Variants in ZBBX observed in about 807,000 individuals in gnomAD.
ZBBX encodes zinc finger B-box domain-containing protein 1.
In ZBBX, 101 loss-of-function variants were observed where a neutral mutation model predicts 108.5. That is an observed-to-expected ratio of 0.93 (90% CI 0.79 to 1.10). The LOEUF (loss-of-function observed/expected upper bound fraction) is 1.10, where lower values mean the gene tolerates loss of function less well. Ranked by LOEUF, ZBBX falls within the 50% of genes least tolerant of loss-of-function variation. The pLI is 0.00. For missense variants in ZBBX, 1,009 were observed against 941.4 expected (o/e 1.07, Z -0.94); for synonymous variants, 356 against 323.4 (o/e 1.10, Z -1.08).
the ZBBX span, among the ~76,000 whole-genome samples, chr3:167,194,964 GC>G: frequency 2.6e-5 from 4 of 152,122 alleles, no homozygotes; most frequent in Non-Finnish European, 5.9e-5. Flanking sequence ...GAGTGCTCCT[GC>G]CTTCCTGAAA....
intron 17 of ZBBX, among the ~76,000 whole-genome samples, chr3:167,304,675 C>T (rs547411172): frequency 3.0e-4 from 46 of 152,118 alleles, no homozygotes; most frequent in South Asian, 1.7e-3. Context: ...TAAATGAAAG[C>T]CCAAGATATC....
the ZBBX span, among the ~76,000 whole-genome samples, chr3:167,191,896 CATATATAT>C: frequency 0.019 from 1,260 of 67,938 alleles, 62 homozygotes; most frequent in African/African-American, 0.072. Context: ...TTACAAAAAT[CATATATAT>C]ATATATATAT....
chr3:167,400,970 C>T (rs1221073853), intron 1 of ZBBX, among the ~76,000 whole-genome samples: 1 of 152,062 alleles, frequency 6.6e-6, no homozygotes, highest in Non-Finnish European at 1.5e-5. Context: ...TAAGCAGTTC[C>T]CAGCTTGACT....
At chr3:167,235,757 A>T (rs1720210102), downstream of ZBBX, among the ~76,000 whole-genome samples, 1 of 151,676 alleles carries the variant, frequency 6.6e-6, no homozygotes, top group Admixed American at 6.6e-5. Context: ...AGACATTTGC[A>T]TTAAAATAGG....
chr3:167,272,073 A>C (rs1448068784), intron 20 of ZBBX, among the ~76,000 whole-genome samples: 1 of 152,176 alleles, frequency 6.6e-6, no homozygotes, highest in Non-Finnish European at 1.5e-5. Flanking sequence ...GATGAATCAA[A>C]CTTTAAAAAA....
At chr3:167,268,538 C>T (rs1725970957) in intron 20 of ZBBX, among the ~76,000 whole-genome samples, 1 of 152,088 alleles carries the variant, frequency 6.6e-6, no homozygotes, top group South Asian at 2.1e-4. Context: ...AACCCACAAC[C>T]TCTCTAAAGC....
intron 17 of ZBBX, among the ~76,000 whole-genome samples, chr3:167,300,324 A>AC: frequency 1.3e-5 from 2 of 152,124 alleles, no homozygotes; most frequent in African/African-American, 4.8e-5. Context: ...CTATTTTATT[A>AC]CTGTCCAGGA....
At chr3:167,345,226 T>C (rs73169176) in intron 9 of ZBBX, among the ~76,000 whole-genome samples, 5,264 of 151,882 alleles carry the variant, frequency 0.035, 94 homozygotes, top group East Asian at 0.064. Context: ...GATACAGTGA[T>C]GAACAAGACA....
At chr3:167,180,133 G>A in the ZBBX span, among the ~76,000 whole-genome samples, 1 of 152,044 alleles carries the variant, frequency 6.6e-6, no homozygotes, top group Admixed American at 6.6e-5. Flanking sequence ...TGAATGCTGG[G>A]TTGAAAAAAA....
intron 1 of ZBBX, among the ~76,000 whole-genome samples, chr3:167,407,175 C>T (rs544986167): frequency 4.1e-4 from 63 of 152,272 alleles, no homozygotes; most frequent in African/African-American, 1.4e-3. Context: ...TAAATATGTG[C>T]TTATCACCCT....
At chr3:167,254,209 T>C (rs2108376539) in intron 20 of ZBBX, among the ~76,000 whole-genome samples, 1 of 152,298 alleles carries the variant, frequency 6.6e-6, no homozygotes, top group Non-Finnish European at 1.5e-5. Context: ...TTGTAAAGTG[T>C]TACAATGTTT....
chr3:167,280,281 CAAA>C (rs879821838), intron 20 of ZBBX, among the ~76,000 whole-genome samples: 1 of 130,466 alleles, frequency 7.7e-6, no homozygotes, highest in Non-Finnish European at 1.7e-5. Flanking sequence ...TTCTGCACAG[CAAA>C]AAAAAAAAAA....
upstream of ZBBX, among the ~76,000 whole-genome samples, chr3:167,381,635 A>G (rs1747730356): frequency 1.3e-5 from 2 of 152,116 alleles, no homozygotes; most frequent in East Asian, 1.9e-4. Flanking sequence ...ACTATTTCCC[A>G]TACAGGCGCG....
intron 20 of ZBBX, among the ~76,000 whole-genome samples, chr3:167,274,447 A>C (rs182282342): frequency 1.1e-3 from 173 of 152,330 alleles, no homozygotes; most frequent in Non-Finnish European, 9.7e-4. Context: ...ACCAAGTTGA[A>C]CAGCAAAGCC....
chr3:167,383,243 G>A (rs56803013), upstream of ZBBX, among the ~76,000 whole-genome samples: 4,574 of 152,070 alleles, frequency 0.03, 219 homozygotes, highest in African/African-American at 0.1. Context: ...GGCATTTCAA[G>A]GTAGCAAAAC....
At position 167,368,470 on chromosome 3, in the gene ZBBX, T is replaced by C; in HGVS notation, c.173A>G (p.Glu58Gly). ...EFRSTRNKEKEDRESSEYYWK... is the reference protein window; with the variant it reads ...EFRSTRNKEKGDRESSEYYWK... ...TAAGAGTTTCACTCACTCTCTATCT[T>C]CCTTTTCTTTGTTTCTTGTGGATCG... Residue 58 changes from glutamate (E) to glycine (G), a missense_variant, in exon 5 of 22, where the codon GAA becomes GGA. By Grantham distance (98) the Glu-to-Gly change is moderately conservative (BLOSUM62 -2). Coordinates refer to ENST00000675490, the MANE Select transcript of ZBBX (RefSeq NM_001199201.2). 3 of 1,610,176 alleles carry C rather than the reference T, an allele frequency of 1.9e-6. No homozygotes were observed. The highest frequency in any genetic ancestry group is 1.3e-5 in the African/African-American group (1 of 74,924).
chr3:167,365,954 A>G lies in ZBBX; in HGVS notation c.205T>C (p.Ser69Pro), dbSNP rs1340322336. The stretch of plus-strand genomic sequence containing the variant: ...TTGACCAATTTGCCCACTTTTCCAG[A>G]TTTCCAGTAATACTCGCTTGACCTT... The part of the protein sequence containing the change: ...DRESSEYYWK[S>P]GKVGKLVNQS... Residue 69 changes from serine to proline, a missense_variant, in exon 6 of 22, where the codon TCT (serine) becomes CCT (proline). Coordinates refer to ENST00000675490, the MANE Select transcript of ZBBX (RefSeq NM_001199201.2). 4.4e-6 allele frequency: 7 copies of G among 1,607,832 alleles called. No individual in the cohort carries two copies. The Admixed American group carries it at 1.2e-4, about 27-fold the overall frequency.
At chr3:167,274,586 C>T (rs534866750) in intron 20 of ZBBX, among the ~76,000 whole-genome samples, 5 of 152,166 alleles carry the variant, frequency 3.3e-5, no homozygotes, top group African/African-American at 9.7e-5. Flanking sequence ...ACCCTTTGTT[C>T]TCCAACTTAA....
At chr3:167,333,387 T>C (rs1373808379) in intron 10 of ZBBX, among the ~76,000 whole-genome samples, 2 of 152,124 alleles carry the variant, frequency 1.3e-5, no homozygotes, top group Non-Finnish European at 2.9e-5. Context: ...TCAATCTAAA[T>C]AACTGCCAGA....
Sources: gnomAD v4.1 joint callset for allele counts (sites outside exome capture counted in the v4.1 genomes callset) on GRCh38, gnomAD v4.1.1 for gene constraint, MANE v1.5 for transcripts, NCBI Gene and HGNC (gene_info 2026-07-23, HGNC 2026-07-21) for gene names.